SGCD: variants seen among roughly 807,000 people sequenced by gnomAD.
SGCD encodes the protein sarcoglycan delta.
SGCD carries 18 observed loss-of-function variants against 36.6 expected under a neutral mutation model. The ratio of observed to expected loss-of-function variants is 0.49; its 90% CI spans 0.34 to 0.73. SGCD has a LOEUF of 0.73. Ranked by LOEUF, SGCD falls within the 30% of genes least tolerant of loss-of-function variation. The pLI is 0.01. For synonymous variants in SGCD, 133 were observed against 130.6 expected, an observed-to-expected ratio of 1.02 and a Z score of -0.12; for missense variants, 387 against 346.7, an observed-to-expected ratio of 1.12 and a Z score of -0.92.
At chr5:155,987,226 G>A (rs374724680) in intron 1 of SGCD, among the ~76,000 whole-genome samples, 2 of 152,216 alleles carry the variant, frequency 1.3e-5, no homozygotes, top group South Asian at 2.1e-4. Context: ...CCTATCTCAG[G>A]TAATGGCATT....
intron 4 of SGCD, among the ~76,000 whole-genome samples, chr5:156,515,565 C>T (rs1032149662): frequency 3.3e-5 from 5 of 152,142 alleles, no homozygotes; most frequent in South Asian, 2.1e-4. Flanking sequence ...GGGGAGTTCC[C>T]GCCCCCAGCC....
chr5:156,170,073 A>G (rs1763307584), intron 3 of SGCD, among the ~76,000 whole-genome samples: 2 of 152,192 alleles, frequency 1.3e-5, no homozygotes, highest in African/African-American at 4.8e-5. Flanking sequence ...CTTTGCGGCC[A>G]GGCCCTGAAG....
chr5:156,451,540 A>G (rs2127806854), intron 3 of SGCD, among the ~76,000 whole-genome samples: 1 of 152,324 alleles, frequency 6.6e-6, no homozygotes, highest in African/African-American at 2.4e-5. Context: ...GAATGGAATC[A>G]TAAAAGTAGA....
intron 1 of SGCD, among the ~76,000 whole-genome samples, chr5:156,030,185 A>G (rs73812915): frequency 0.22 from 33,726 of 152,216 alleles, 4,432 homozygotes; most frequent in Non-Finnish European, 0.29. Context: ...GATATGTAAT[A>G]TATGCAAATT....
At chr5:156,138,272 A>G (rs1159735657) in intron 3 of SGCD, among the ~76,000 whole-genome samples, 2 of 152,154 alleles carry the variant, frequency 1.3e-5, no homozygotes, top group African/African-American at 4.8e-5. Context: ...GTGATGGTGC[A>G]TGCCTGTAAT....
intron 1 of SGCD, among the ~76,000 whole-genome samples, chr5:155,883,403 A>T (rs1339016363): frequency 6.6e-6 from 1 of 152,088 alleles, no homozygotes; most frequent in Non-Finnish European, 1.5e-5. Context: ...CTGGCTTTTG[A>T]TTTAATGTAA....
At chr5:156,061,599 G>A (rs1456220302) in intron 1 of SGCD, among the ~76,000 whole-genome samples, 2 of 146,258 alleles carry the variant, frequency 1.4e-5, no homozygotes, top group African/African-American at 4.9e-5. Flanking sequence ...GCTCTTTTCA[G>A]GGGAAGTGTT....
intron 7 of SGCD, among the ~76,000 whole-genome samples, chr5:156,672,651 C>T (rs1169222058): frequency 6.6e-6 from 1 of 152,230 alleles, no homozygotes; most frequent in African/African-American, 2.4e-5. Context: ...TCTGTTCTTA[C>T]TTCTTCTCTC....
At chr5:156,122,843 TAAAAAAAAAAAAAAAAAAAAAAAAAA>T (rs33983852) in intron 2 of SGCD, among the ~76,000 whole-genome samples, 81 of 54,172 alleles carry the variant, frequency 1.5e-3, no homozygotes, top group Admixed American at 3.3e-3. Context: ...AAAGATGTGG[TAAAAAAAAAAAAAAAAAAAAAAAAAA>T]AAAAAAAAAA....
chr5:156,737,083 A>G (rs1756411285), intron 7 of SGCD, among the ~76,000 whole-genome samples: 1 of 152,274 alleles, frequency 6.6e-6, no homozygotes, highest in Non-Finnish European at 1.5e-5. Context: ...TGTATCCAAT[A>G]GATAACCATT....
chr5:155,900,836 GTAA>G (rs1756373210), intron 1 of SGCD, among the ~76,000 whole-genome samples: 1 of 151,738 alleles, frequency 6.6e-6, no homozygotes, highest in Non-Finnish European at 1.5e-5. Flanking sequence ...GGTATAACTG[GTAA>G]TAAAAAAACA....
chr5:155,843,772 T>C, the SGCD span, among the ~76,000 whole-genome samples: 5 of 152,150 alleles, frequency 3.3e-5, no homozygotes, highest in Admixed American at 3.3e-4. Flanking sequence ...AGCTAGGACA[T>C]GATGAAGCCT....
At chr5:156,500,578 C>T (rs1447307750) in intron 3 of SGCD, among the ~76,000 whole-genome samples, 3 of 152,302 alleles carry the variant, frequency 2.0e-5, no homozygotes, top group South Asian at 2.1e-4. Flanking sequence ...AAGAAAATCG[C>T]ACTTTTTTTC....
chr5:156,473,861 G>T (rs957057461), intron 3 of SGCD, among the ~76,000 whole-genome samples: 1 of 152,100 alleles, frequency 6.6e-6, no homozygotes, highest in Admixed American at 6.6e-5. Context: ...TATCCACAAG[G>T]CTTGAGTGCT....
intron 3 of SGCD, among the ~76,000 whole-genome samples, chr5:156,148,297 G>T (rs1020901247): frequency 6.6e-6 from 1 of 152,184 alleles, no homozygotes; most frequent in African/African-American, 2.4e-5. Flanking sequence ...ACAGCACCTG[G>T]AAACTGGGGT....
intron 6 of SGCD, among the ~76,000 whole-genome samples, chr5:156,600,958 T>G (rs746090502): frequency 1.3e-5 from 2 of 152,216 alleles, no homozygotes; most frequent in Admixed American, 1.3e-4. Flanking sequence ...AACATTGGTA[T>G]GTTTTTGAGA....
At chr5:155,811,744 T>C in the SGCD span, among the ~76,000 whole-genome samples, 1 of 152,212 alleles carries the variant, frequency 6.6e-6, no homozygotes, top group Non-Finnish European at 1.5e-5. Flanking sequence ...CACCGCCTTC[T>C]GGTTTCGCAG....
At chr5:155,843,479 T>C in the SGCD span, among the ~76,000 whole-genome samples, 5 of 152,320 alleles carry the variant, frequency 3.3e-5, no homozygotes, top group Admixed American at 3.3e-4. Context: ...TTCCAAATTA[T>C]GCATGCACCA....
chr5:155,954,390 T>C (rs1056135155), intron 1 of SGCD, among the ~76,000 whole-genome samples: 5 of 152,102 alleles, frequency 3.3e-5, no homozygotes, highest in African/African-American at 1.2e-4. Context: ...ACACGGAGTG[T>C]GCAGTAGCTA....
Sources: gnomAD v4.1 joint callset for allele counts (sites outside exome capture counted in the v4.1 genomes callset) on GRCh38, gnomAD v4.1.1 for gene constraint, MANE v1.5 for transcripts, NCBI Gene and HGNC (gene_info 2026-07-23, HGNC 2026-07-21) for gene names.